Variants in GALNT5 observed in about 807,000 individuals in gnomAD.
GALNT5 encodes the protein UDP-GalNAc:polypeptide N-acetylgalactosaminyltransferase 5.
A neutral mutation model predicts 85.4 loss-of-function variants in GALNT5; 72 were observed. The observed-to-expected ratio is 0.84, with a 90% CI of 0.70 to 1.03. The LOEUF is 1.03. GALNT5 is among the 50% of genes least tolerant of loss of function. The pLI is 0.00. For synonymous variants in GALNT5, 404 were observed against 397.0 expected (o/e 1.02, Z -0.21); for missense variants, 1,137 against 1,135.5 (o/e 1.00, Z -0.02).
intron 5 of GALNT5, among the ~76,000 whole-genome samples, chr2:157,296,926 T>C (rs1327721293): frequency 1.3e-5 from 2 of 152,234 alleles, no homozygotes; most frequent in Admixed American, 1.3e-4. Context: ...TACAGCCTAA[T>C]CCTACCCCCT....
At chr2:157,260,893 T>C (rs16841428) in intron 1 of GALNT5, among the ~76,000 whole-genome samples, 34,570 of 152,088 alleles carry the variant, frequency 0.23, 5,885 homozygotes, top group African/African-American at 0.47. Flanking sequence ...ATAATCACAG[T>C]CTTGAGGAGA....
chr2:157,308,602 T>C lies in GALNT5; in HGVS notation c.2556T>C (p.Ile852=), dbSNP rs749058285. 3 of 1,613,414 alleles carry C rather than the reference T, an allele frequency of 1.9e-6. No individual in the cohort carries two copies. Among genetic ancestry groups the C allele is most frequent in the Non-Finnish European group, 2.5e-6 (3 of 1,179,666 alleles). Residue 852 remains isoleucine, a synonymous_variant, in exon 9 of 10, where the codon ATT becomes ATC. Coordinates refer to ENST00000259056, the MANE Select transcript of GALNT5 (RefSeq NM_014568.3). ...TTAATTACACCTGGTTAAGACTTAT[T>C]AAATGTGGAGAATGGTGTATAGCCC... is the stretch of plus-strand genomic sequence containing the variant. ...QQFNYTWLRL[I]KCGEWCIAPI...
chr2:157,260,791 G>A (rs1171957861), intron 1 of GALNT5, among the ~76,000 whole-genome samples: 1 of 152,142 alleles, frequency 6.6e-6, no homozygotes, highest in Non-Finnish European at 1.5e-5. Flanking sequence ...CTACAACCAG[G>A]TCGTTTTCCA....
At position 157,258,052 on chromosome 2, in the gene GALNT5, G is replaced by A. The variant is rs749760312; in HGVS notation, c.-31G>A. 1.9e-6 allele frequency: 3 copies of A among 1,608,354 alleles called. No individual in the cohort carries two copies. Among genetic ancestry groups the A allele is most frequent in the Admixed American group, 1.7e-5 (1 of 59,982 alleles). On this transcript the variant is annotated 5_prime_UTR_variant, in exon 1 of 10. Transcript: ENST00000259056. ...TCCACTCAAGGTAAGCAGGCTAAGG[G>A]AGGGCAGGCTGCTAGGGAAAGCTTT...
At chr2:157,267,873 G>T (rs2105150845) in intron 1 of GALNT5, among the ~76,000 whole-genome samples, 1 of 152,302 alleles carries the variant, frequency 6.6e-6, no homozygotes, top group Middle Eastern at 3.4e-3. Context: ...ACCCTAGAAA[G>T]AACAAAACAT....
intron 3 of GALNT5, among the ~76,000 whole-genome samples, chr2:157,286,598 C>T (rs542701599): frequency 2.3e-4 from 35 of 152,128 alleles, no homozygotes; most frequent in Non-Finnish European, 2.6e-4. Context: ...CCGCCTCCCT[C>T]GTTCACACCG....
At chr2:157,271,459 T>C (rs1483554473) in intron 1 of GALNT5, among the ~76,000 whole-genome samples, 2 of 152,132 alleles carry the variant, frequency 1.3e-5, no homozygotes, top group African/African-American at 2.4e-5. Context: ...AGTGTCCCTT[T>C]AGGAGACTCC....
intron 1 of GALNT5, among the ~76,000 whole-genome samples, chr2:157,267,647 A>C (rs560546439): frequency 2.2e-4 from 33 of 152,310 alleles, no homozygotes; most frequent in African/African-American, 3.1e-4. Flanking sequence ...TCACTGTGAC[A>C]GCTTCCTGCT....
rs1401183549 is a variant in GALNT5 at position 157,299,641 on chromosome 2, G to A, written c.2091G>A (p.Gly697=). ...ACCCTGGCCTTGATGTTTGGGGTGG[G>A]GAAAATATGGAGCTCTCATTCAAGG... The part of the protein sequence containing the change: ...TYDPGLDVWG[G]ENMELSFKVW... Residue 697 remains glycine (G), a synonymous_variant, in exon 6 of 10, where the codon GGG becomes GGA. Coordinates refer to ENST00000259056, the MANE Select transcript of GALNT5 (RefSeq NM_014568.3). 18 of 1,599,296 alleles carry A rather than the reference G, an allele frequency of 1.1e-5. No individual in the cohort carries two copies. The highest frequency in any genetic ancestry group is 1.5e-5 in the Non-Finnish European group (17 of 1,167,354).
intron 7 of GALNT5, chr2:157,301,470 A>T (rs948935617): frequency 5.3e-6 from 1 of 188,208 alleles, no homozygotes. Context: ...ACTAAGTGTC[A>T]GTCAGCCAAG....
At chr2:157,304,558 A>G (rs563135406) in intron 7 of GALNT5, among the ~76,000 whole-genome samples, 79 of 152,314 alleles carry the variant, frequency 5.2e-4, no homozygotes, top group African/African-American at 1.9e-3. Flanking sequence ...CTAATGGGCA[A>G]ATTGTTTTTC....
Position 157,305,796 on chromosome 2 carries a change from A to C in GALNT5, c.2487A>C (p.Thr829=). 2 of 1,610,220 alleles carry C rather than the reference A, an allele frequency of 1.2e-6. No individual in the cohort carries two copies. The highest frequency in any genetic ancestry group is 1.1e-5 in the South Asian group (1 of 90,974). ...AATGCATTTCCATTGAAAACACTAC[A>C]GTCATTCTGGAAGACTGCGATGGGA... The part of the protein sequence containing the change: ...LGKCISIENT[T]VILEDCDGSK... Residue 829 remains threonine (T), a synonymous_variant, in exon 8 of 10, where the codon ACA becomes ACC. Coordinates refer to ENST00000259056, the MANE Select transcript of GALNT5 (RefSeq NM_014568.3).
At chr2:157,283,503 T>A (rs1236284914) in intron 1 of GALNT5, among the ~76,000 whole-genome samples, 1 of 152,090 alleles carries the variant, frequency 6.6e-6, no homozygotes, top group African/African-American at 2.4e-5. Flanking sequence ...AGCAAAATGG[T>A]TTTTCAACTG....
At chr2:157,307,768 AT>A (rs1683484134) in intron 8 of GALNT5, among the ~76,000 whole-genome samples, 1 of 152,176 alleles carries the variant, frequency 6.6e-6, no homozygotes, top group African/African-American at 2.4e-5. Flanking sequence ...CCAGAAGCCT[AT>A]TTTTTTCAAA....
chr2:157,279,845 A>G (rs1682820572), intron 1 of GALNT5, among the ~76,000 whole-genome samples: 1 of 152,166 alleles, frequency 6.6e-6, no homozygotes, highest in African/African-American at 2.4e-5. Flanking sequence ...ACCACTCTCA[A>G]TGAGATGAAC....
At chr2:157,265,695 C>T (rs1379129210) in intron 1 of GALNT5, among the ~76,000 whole-genome samples, 1 of 152,172 alleles carries the variant, frequency 6.6e-6, no homozygotes, top group Non-Finnish European at 1.5e-5. Flanking sequence ...GCTTTTCTGG[C>T]TGATCCAATC....
chr2:157,273,725 C>G (rs1441506427), intron 1 of GALNT5, among the ~76,000 whole-genome samples: 1 of 147,606 alleles, frequency 6.8e-6, no homozygotes, highest in Non-Finnish European at 1.5e-5. Context: ...TCACCGCAAC[C>G]TCCGCCTCTG....
chr2:157,280,003 C>T (rs6753576), intron 1 of GALNT5, among the ~76,000 whole-genome samples: 15 of 152,060 alleles, frequency 9.9e-5, no homozygotes, highest in Non-Finnish European at 5.9e-5. Flanking sequence ...TCTCCATGTT[C>T]GTCAGGCTGG....
rs751122804 is a variant in GALNT5, at chr2:157,295,813, T to A, written c.1877+15T>A. On this transcript the variant is annotated intron_variant, in intron 4 of 9. Transcript: ENST00000259056. The stretch of plus-strand genomic sequence containing the variant: ...AAGGATATGAGGTAATATTTACACA[T>A]TCCACAAGATACTTTCAAGCACATC... 1 of 1,575,384 alleles carries A rather than the reference T, an allele frequency of 6.3e-7. No homozygotes were observed. Among genetic ancestry groups the A allele is most frequent in the South Asian group, 1.1e-5 (1 of 88,798 alleles).
Sources: gnomAD v4.1 joint callset for allele counts (sites outside exome capture counted in the v4.1 genomes callset) on GRCh38, gnomAD v4.1.1 for gene constraint, MANE v1.5 for transcripts, NCBI Gene and HGNC (gene_info 2026-07-23, HGNC 2026-07-21) for gene names.